The following LAMA3 variants were observed in gnomAD, a reference collection of about 807,000 sequenced individuals.
The protein encoded by LAMA3 is laminin subunit alpha-3.
Under a neutral mutation model 402.0 loss-of-function variants are expected in LAMA3, and 281 were observed. That is an observed-to-expected ratio of 0.70 (90% confidence interval 0.63 to 0.77). The LOEUF (loss-of-function observed/expected upper bound fraction) is 0.77. LAMA3 is among the 30% of genes least tolerant of loss of function. LAMA3 has a pLI of 0.00. For synonymous variants in LAMA3, 1,431 were observed against 1,558.4 expected (o/e 0.92, Z 1.93); for missense variants, 3,840 against 4,215.5 (o/e 0.91, Z 2.47).
chr18:23,941,783 T>G (rs996187751), intron 68 of LAMA3, among the ~76,000 whole-genome samples: 3 of 152,240 alleles, frequency 2.0e-5, no homozygotes, highest in African/African-American at 7.2e-5. Context: ...TCAGTTAGTC[T>G]TTTATGAAAG....
Position 23,901,005 on chromosome 18 carries a change from C to G in LAMA3, c.6005-122C>G. The stretch of plus-strand genomic sequence containing the variant: ...GTCAATGTGAGTTTCCTTTCCCATC[C>G]CCTCCAAAGTTCAAGGAAAACCATG... On this transcript the variant is annotated intron_variant, in intron 47 of 74. Transcript: ENST00000313654. 11 of 849,168 alleles carry G rather than the reference C, an allele frequency of 1.3e-5. No individual in the cohort carries two copies. In the South Asian group the frequency reaches 1.4e-4, roughly 11 times the overall value. 52.6% of individuals were successfully genotyped at this position (849,168 alleles called of 1,614,324 possible).
intron 64 of LAMA3, 117 bp downstream of exon 64, chr18:23,928,882 A>C: frequency 1.0e-6 from 1 of 961,958 alleles, no homozygotes; most frequent in Non-Finnish European, 1.7e-6. Context: ...ATCATCACAC[A>C]GTAAATGCTA....
At chr18:23,851,724 T>G (rs1568256203) in intron 32 of LAMA3, among the ~76,000 whole-genome samples, 1 of 152,204 alleles carries the variant, frequency 6.6e-6, no homozygotes, top group Admixed American at 6.5e-5. Context: ...GTCCTGATCC[T>G]TGAGGGCTAT....
chr18:23,710,513 A>G (rs1353297530), intron 1 of LAMA3, among the ~76,000 whole-genome samples: 1 of 152,234 alleles, frequency 6.6e-6, no homozygotes, highest in African/African-American at 2.4e-5. Context: ...GAGCTCAAGA[A>G]AAATGATTAA....
chr18:23,867,547 C>T (rs1432881500), intron 36 of LAMA3, among the ~76,000 whole-genome samples: 1 of 120,442 alleles, frequency 8.3e-6, no homozygotes. Flanking sequence ...AGATTCCATC[C>T]CTGCCAAAAA....
At position 23,879,547 on chromosome 18, in the gene LAMA3, C is replaced by T. The variant is rs1235566565; in HGVS notation, c.5113-2389C>T. Among the ~76,000 whole-genome samples the T allele has an allele frequency of 3.3e-5, 5 of 152,320 alleles. No individual in the cohort carries two copies. The highest frequency in any genetic ancestry group is 2.0e-4 in the Admixed American group (3 of 15,298). ...TCGAGGGACCAACCCTTCTTTACAT[C>T]GCTAGAGCCTAGCATAGTTGGGCAT... On this transcript the variant is annotated intron_variant, in intron 39 of 74. Coordinates refer to ENST00000313654, the MANE Select transcript of LAMA3 (RefSeq NM_198129.4). The surrounding 1 kb of genome is among the most constrained non-coding windows in gnomAD (Gnocchi z 4.2).
chr18:23,889,706 AAGGG>A (rs1305040343), intron 41 of LAMA3, among the ~76,000 whole-genome samples: 41 of 41,254 alleles, frequency 9.9e-4, no homozygotes, highest in South Asian at 5.1e-3. Context: ...GGGAGGGAGG[AAGGG>A]AGGAAGGAAG....
chr18:23,824,646 A>T (rs2063346793), intron 21 of LAMA3, 81 bp downstream of exon 21: 1 of 1,455,338 alleles, frequency 6.9e-7, no homozygotes, highest in African/African-American at 1.4e-5. Flanking sequence ...TACAATCCAC[A>T]GCGACCATAA....
At chr18:23,793,202 A>G (rs1023062159) in intron 12 of LAMA3, among the ~76,000 whole-genome samples, 25 of 152,186 alleles carry the variant, frequency 1.6e-4, no homozygotes, top group Middle Eastern at 3.4e-3. Context: ...TGGGGTGATT[A>G]GGGCAGGGAA....
intron 51 of LAMA3, among the ~76,000 whole-genome samples, chr18:23,905,302 T>C (rs2081204924): frequency 6.6e-6 from 1 of 152,124 alleles, no homozygotes; most frequent in Admixed American, 6.5e-5. Flanking sequence ...AATTTGTCAG[T>C]ATGCCACCAG....
At chr18:23,793,806 A>T (rs2062709690) in intron 12 of LAMA3, among the ~76,000 whole-genome samples, 1 of 152,178 alleles carries the variant, frequency 6.6e-6, no homozygotes, top group Admixed American at 6.5e-5. Context: ...CCACAGGTTG[A>T]GGGCTCAGTC....
chr18:23,743,270 C>T (rs1173408632), intron 2 of LAMA3, among the ~76,000 whole-genome samples: 2 of 152,088 alleles, frequency 1.3e-5, no homozygotes, highest in Non-Finnish European at 2.9e-5. Context: ...AGTCACATAG[C>T]CAGTGGGTGA....
In LAMA3 at chr18:23,901,275, G is replaced by C; in HGVS notation, c.6153G>C (p.Gln2051His). ...AGGAGGCAGCTGCCCAAGCCAAGCA[G>C]GCAAATGGCTTGAACCAAGAAAACG... is the stretch of plus-strand genomic sequence containing the variant. ...RLQEAAAQAK[Q>H]ANGLNQENER... Residue 2051 changes from glutamine to histidine, a missense_variant, in exon 48 of 75, where the codon CAG becomes CAC. Coordinates refer to ENST00000313654, the MANE Select transcript of LAMA3 (RefSeq NM_198129.4). 6.2e-7 allele frequency: 1 copy of C among 1,614,182 alleles called. No homozygotes were observed. Among genetic ancestry groups the C allele is most frequent in the Non-Finnish European group, 8.5e-7 (1 of 1,180,024 alleles).
chr18:23,723,055 G>C (rs1043467853), intron 2 of LAMA3, among the ~76,000 whole-genome samples: 3 of 152,098 alleles, frequency 2.0e-5, no homozygotes, highest in Non-Finnish European at 4.4e-5. Context: ...ATTACCTAGA[G>C]AAGTTGTCAT....
At chr18:23,838,678 T>TAA (rs2063634432) in intron 25 of LAMA3, 103 bp from the exon 26 acceptor site, 6 of 724,976 alleles carry the variant, frequency 8.3e-6, no homozygotes, top group Admixed American at 7.9e-5. Context: ...TTATTATGGA[T>TAA]AAATCCTTTA....
At position 23,833,855 on chromosome 18, in the gene LAMA3, C is replaced by T. The variant is rs767817161; in HGVS notation, c.2851C>T (p.Pro951Ser). 1.2e-6 allele frequency: 2 copies of T among 1,613,700 alleles called. No homozygotes were observed. The highest frequency in any genetic ancestry group is 1.7e-6 in the Non-Finnish European group (2 of 1,180,036). ...EVELHLRLRI[P>S]QVGHYVVVVE... ...GGAATTGCATCTGCGGCTGCGCATC[C>T]CACAGGTTGGCCACTACGTGGTTGT... Residue 951 changes from proline (P) to serine (S), a missense_variant, in exon 24 of 75, where the codon CCA becomes TCA. Physicochemically the swap from Pro to Ser is moderately conservative, Grantham distance 74. This residue lies in a region of LAMA3 where 2,109 missense variants were observed against 2,376.0 expected (regional missense o/e 0.89). Coordinates refer to ENST00000313654, the MANE Select transcript of LAMA3 (RefSeq NM_198129.4).
Position 23,689,808 on chromosome 18 carries a change from CG to C in LAMA3, c.127del (p.Ala43ProfsTer115). The C allele has an allele frequency of 6.5e-7, 1 of 1,538,454 alleles. No individual in the cohort carries two copies. The highest frequency in any genetic ancestry group is 8.8e-7 in the Non-Finnish European group (1 of 1,142,724). ...CGATARDPGA[A>X]AGLSLHPTYF... Reference sequence around the variant, plus strand: ...GCGACCGCTCGGGATCCCGGGGCCGCGGCCGGGCTCAGCCTTCACCCGACTT... The same window carrying C: ...GCGACCGCTCGGGATCCCGGGGCCGCGCCGGGCTCAGCCTTCACCCGACTT... On this transcript the variant is annotated frameshift_variant, in exon 1 of 75. Transcript: ENST00000313654. LOFTEE classifies it high-confidence loss of function.
chr18:23,786,802 A>T (rs2062553541), intron 12 of LAMA3, among the ~76,000 whole-genome samples: 1 of 152,256 alleles, frequency 6.6e-6, no homozygotes, highest in Admixed American at 6.5e-5. Flanking sequence ...ATCAATAAAG[A>T]GATAGAAATT....
intron 23 of LAMA3, among the ~76,000 whole-genome samples, chr18:23,831,690 C>T (rs1327639118): frequency 6.6e-6 from 1 of 152,120 alleles, no homozygotes; most frequent in African/African-American, 2.4e-5. Context: ...CATTGTATAC[C>T]TATCACCTCG....
Sources: allele counts gnomAD v4.1 joint callset (sites outside exome capture counted in the v4.1 genomes callset), GRCh38; gene constraint gnomAD v4.1.1; regional missense constraint gnomAD v4.1.1; non-coding constraint Gnocchi (gnomAD v3.1); transcripts MANE v1.5; gene names NCBI Gene and HGNC (gene_info 2026-07-23, HGNC 2026-07-21).